EBF1: variants seen among roughly 807,000 people sequenced by gnomAD.
The protein encoded by EBF1 is transcription factor COE1.
In EBF1, 10 loss-of-function variants were observed where a neutral mutation model predicts 68.4. The observed-to-expected ratio is 0.15, with a 90% CI of 0.09 to 0.25. The LOEUF (loss-of-function observed/expected upper bound fraction) is 0.25, where lower values mean the gene tolerates loss of function less well. EBF1 is among the 10% of genes least tolerant of loss of function. The probability of loss-of-function intolerance (pLI) is 1.00; values close to 1 mark genes in which losing one functional copy is unlikely to be tolerated. For synonymous variants in EBF1, 298 were observed against 299.8 expected, an observed-to-expected ratio of 0.99 and a Z score of 0.06; for missense variants, 509 against 794.4, an observed-to-expected ratio of 0.64 and a Z score of 4.32.
intron 6 of EBF1, among the ~76,000 whole-genome samples, chr5:158,845,273 T>C (rs887638879): frequency 2.0e-5 from 3 of 152,190 alleles, no homozygotes; most frequent in Admixed American, 1.3e-4. Context: ...CAACAATTCC[T>C]GAACCTCAGT....
chr5:158,995,353 T>G (rs1360439054), intron 6 of EBF1, among the ~76,000 whole-genome samples: 2 of 152,176 alleles, frequency 1.3e-5, no homozygotes, highest in Admixed American at 6.5e-5. Flanking sequence ...GAATAGTCAC[T>G]GCAGGGGAAA....
chr5:158,942,354 A>G lies in EBF1; in HGVS notation c.555-102244T>C, dbSNP rs145293237. On this transcript the variant is annotated intron_variant, in intron 6 of 15. Coordinates refer to ENST00000313708, the MANE Select transcript of EBF1 (RefSeq NM_024007.5). The stretch of plus-strand genomic sequence containing the variant: ...ACCACCTGCATTCAATCCTAGTTCT[A>G]TCACTGACTCATCATGTAACCTTGG... 4.6e-4 allele frequency among the ~76,000 whole-genome samples: 70 copies of G among 152,330 alleles called. 1 individual carries two copies. Among genetic ancestry groups the G allele is most frequent in the African/African-American group, 1.6e-3 (68 of 41,556 alleles).
At chr5:158,876,616 G>T (rs141116246) in intron 6 of EBF1, among the ~76,000 whole-genome samples, 1 of 152,150 alleles carries the variant, frequency 6.6e-6, no homozygotes, top group East Asian at 1.9e-4. Flanking sequence ...AAAGTTTCAC[G>T]TTGCCCTATT....
At chr5:158,956,477 A>G (rs914171958) in intron 6 of EBF1, among the ~76,000 whole-genome samples, 7 of 150,924 alleles carry the variant, frequency 4.6e-5, no homozygotes, top group Admixed American at 2.0e-4. Flanking sequence ...ACACACACAC[A>G]CGCACACACA....
At chr5:158,944,895 C>T (rs1583369625) in intron 6 of EBF1, among the ~76,000 whole-genome samples, 1 of 152,308 alleles carries the variant, frequency 6.6e-6, no homozygotes, top group African/African-American at 2.4e-5. Flanking sequence ...TCATTTCCTT[C>T]ACCCACTTTT....
intron 2 of EBF1, 94 bp downstream of exon 2, chr5:159,096,880 C>A: frequency 6.8e-7 from 1 of 1,468,514 alleles, no homozygotes; most frequent in South Asian, 1.3e-5. Context: ...GTTATGGATG[C>A]TTTGCACTCA....
At chr5:159,089,278 T>C (rs900018914) in intron 4 of EBF1, among the ~76,000 whole-genome samples, 1 of 152,152 alleles carries the variant, frequency 6.6e-6, no homozygotes, top group African/African-American at 2.4e-5. Flanking sequence ...CTCTGGAAAT[T>C]TCACTGTTAT....
At chr5:158,795,577 C>T (rs779591507) in intron 9 of EBF1, among the ~76,000 whole-genome samples, 1 of 152,100 alleles carries the variant, frequency 6.6e-6, no homozygotes, top group African/African-American at 2.4e-5. Context: ...AGAGAGTGCT[C>T]GGAGCATGCT....
At chr5:159,034,197 T>TA (rs1184883882) in intron 6 of EBF1, among the ~76,000 whole-genome samples, 1 of 152,144 alleles carries the variant, frequency 6.6e-6, no homozygotes, top group Non-Finnish European at 1.5e-5. Flanking sequence ...TTGTTGGCCC[T>TA]AAAATGCAAG....
At chr5:158,824,780 A>G (rs1785679287) in intron 7 of EBF1, among the ~76,000 whole-genome samples, 1 of 152,246 alleles carries the variant, frequency 6.6e-6, no homozygotes, top group Non-Finnish European at 1.5e-5. Context: ...CTTGGACGCC[A>G]GTCCCCACAG....
intron 6 of EBF1, among the ~76,000 whole-genome samples, chr5:158,876,258 A>G (rs2128076035): frequency 6.6e-6 from 1 of 152,258 alleles, no homozygotes; most frequent in Admixed American, 6.5e-5. Flanking sequence ...TGTCTCCTTT[A>G]GCCTCCCAAT....
chr5:158,869,578 AACACACACAC>A lies in EBF1; in HGVS notation c.555-29478_555-29469del, dbSNP rs3035120. Among the ~76,000 whole-genome samples, 809 of 145,092 alleles carry A rather than the reference AACACACACAC, an allele frequency of 5.6e-3. 4 individuals are homozygous for A. The highest frequency in any genetic ancestry group is 0.017 in the African/African-American group (644 of 38,914). On this transcript the variant is annotated intron_variant, in intron 6 of 15. Transcript: ENST00000313708. Reference sequence around the variant, plus strand: ...TCCCTAATTGGCCCAGATCCTAATAAACACACACACACACACACACACACACACACACACA... The same window carrying A: ...TCCCTAATTGGCCCAGATCCTAATAAACACACACACACACACACACACACA...
At chr5:158,903,364 C>T (rs1460521491) in intron 6 of EBF1, among the ~76,000 whole-genome samples, 1 of 152,086 alleles carries the variant, frequency 6.6e-6, no homozygotes. Flanking sequence ...GGGTCAGGAA[C>T]GTGCCCTTAT....
chr5:158,775,783 G>GACACACACACACACACACAC (rs58752245), intron 10 of EBF1, among the ~76,000 whole-genome samples: 2 of 129,606 alleles, frequency 1.5e-5, no homozygotes, highest in East Asian at 2.4e-4. Flanking sequence ...CATGCACACA[G>GACACACACACACACACACAC]ACACACACAC....
intron 6 of EBF1, among the ~76,000 whole-genome samples, chr5:159,012,482 C>A (rs572586846): frequency 3.4e-5 from 5 of 145,314 alleles, no homozygotes; most frequent in Admixed American, 6.8e-5. Flanking sequence ...TTTGGAGAGT[C>A]TTTTTTTTTT....
chr5:159,006,369 G>A (rs1763545259), intron 6 of EBF1, among the ~76,000 whole-genome samples: 1 of 152,024 alleles, frequency 6.6e-6, no homozygotes, highest in Admixed American at 6.6e-5. Flanking sequence ...TTATCCCAGA[G>A]TGGTGGCCAC....
intron 4 of EBF1, among the ~76,000 whole-genome samples, chr5:159,087,393 T>TATACAC (rs1554134245): frequency 4.3e-5 from 6 of 138,222 alleles, no homozygotes; most frequent in Non-Finnish European, 6.1e-5. Context: ...CACATATATA[T>TATACAC]ACATATATAT....
intron 6 of EBF1, among the ~76,000 whole-genome samples, chr5:158,883,847 C>T (rs1799451451): frequency 6.6e-6 from 1 of 152,140 alleles, no homozygotes; most frequent in Non-Finnish European, 1.5e-5. Context: ...AAAAAGCGGT[C>T]CTTGCCCTGG....
intron 6 of EBF1, among the ~76,000 whole-genome samples, chr5:158,897,416 G>T (rs1260501836): frequency 6.6e-6 from 1 of 152,140 alleles, no homozygotes; most frequent in Admixed American, 6.6e-5. Flanking sequence ...GCCTTCTAGA[G>T]GGTGGAGGGT....
Sources: allele counts gnomAD v4.1 joint callset (sites outside exome capture counted in the v4.1 genomes callset), GRCh38; gene constraint gnomAD v4.1.1; transcripts MANE v1.5; gene names NCBI Gene and HGNC (gene_info 2026-07-23, HGNC 2026-07-21).